ZNF800: variants seen among roughly 807,000 people sequenced by gnomAD.
The protein encoded by ZNF800 is zinc finger protein 800.
In ZNF800, 13 loss-of-function variants were observed where a neutral mutation model predicts 59.5. The ratio of observed to expected loss-of-function variants is 0.22; its 90% CI spans 0.14 to 0.35. The LOEUF (loss-of-function observed/expected upper bound fraction) is 0.35, where lower values mean the gene tolerates loss of function less well. ZNF800 is among the 10% of genes least tolerant of loss of function. ZNF800 has a pLI of 1.00. For missense variants in ZNF800, 621 were observed against 783.7 expected (o/e 0.79, Z 2.48); for synonymous variants, 266 against 265.7 (o/e 1.00, Z -0.01).
chr7:127,347,118 T>G (rs1349309393), exon 2 of ZNF800: 1 of 152,348 alleles, frequency 6.6e-6, no homozygotes, highest in Non-Finnish European at 1.5e-5. Flanking sequence ...GAGGCCATGG[T>G]CACCACAGAC....
chr7:127,375,831 T>C (rs571071950), intron 4 of ZNF800, among the ~76,000 whole-genome samples: 1 of 152,114 alleles, frequency 6.6e-6, no homozygotes, highest in South Asian at 2.1e-4. Context: ...ATCTGGTATC[T>C]ATACCAATCA....
Position 127,386,503 on chromosome 7 carries a change from T to C in ZNF800, c.62-348A>G, listed in dbSNP as rs527979977. On this transcript the variant is annotated intron_variant, in intron 2 of 5. Transcript: ENST00000265827. ...TATTCCCCTTGAAGAGGAACCACTA[T>C]ATTTAATCAAAATTCTAAGGCAATG... Among the ~76,000 whole-genome samples the C allele has an allele frequency of 3.2e-4, 49 of 152,364 alleles. 1 individual carries two copies. The highest frequency in any genetic ancestry group is 1.1e-3 in the African/African-American group (45 of 41,590).
Position 127,377,122 on chromosome 7 carries a change from T to G in ZNF800, c.301+64A>C. On this transcript the variant is annotated intron_variant, in intron 4 of 5. Transcript: ENST00000265827. The surrounding 1 kb of genome is among the most constrained non-coding windows in gnomAD (Gnocchi z 4.7). The stretch of plus-strand genomic sequence containing the variant: ...ACTAGATACAATTTTAATGCAAATG[T>G]ATACTTGCAGTATAAGAATACTTAG... 2.1e-6 allele frequency: 3 copies of G among 1,401,006 alleles called. No individual in the cohort carries two copies. Among genetic ancestry groups the G allele is most frequent in the Non-Finnish European group, 2.9e-6 (3 of 1,032,568 alleles). The allele number at this position is 1,401,006 out of a possible 1,614,324, so 86.8% of individuals were successfully genotyped here.
intron 4 of ZNF800, 56 bp from the exon 5 acceptor site, chr7:127,375,090 T>A: frequency 1.4e-6 from 2 of 1,388,664 alleles, no homozygotes; most frequent in Non-Finnish European, 1.9e-6. Flanking sequence ...TGTAGCCCTC[T>A]AATATTTTAA....
chr7:127,373,644 A>T lies in ZNF800; in HGVS notation c.1692T>A (p.Pro564=). Residue 564 remains proline (P), a synonymous_variant, in exon 5 of 6, where the codon CCT becomes CCA. Transcript: ENST00000265827. The stretch of plus-strand genomic sequence containing the variant: ...CCACTTTATTTAGAACAAAATCAAT[A>T]GGCTTTTTTATAGCTCTGATCTCTA... The part of the protein sequence containing the change: ...ASLEIRAIKK[P]IDFVLNKVAK... 1 of 1,614,110 alleles carries T rather than the reference A, an allele frequency of 6.2e-7. No homozygotes were observed. Among genetic ancestry groups the T allele is most frequent in the Non-Finnish European group, 8.5e-7 (1 of 1,180,010 alleles).
chr7:127,368,219 A>G (rs1800553309), downstream of ZNF800, among the ~76,000 whole-genome samples: 1 of 152,176 alleles, frequency 6.6e-6, no homozygotes, highest in Non-Finnish European at 1.5e-5. Context: ...AAGTTAGAAA[A>G]GCCAAAATAA....
chr7:127,343,490 G>A (rs968687763), downstream of ZNF800, among the ~76,000 whole-genome samples: 6 of 151,794 alleles, frequency 4.0e-5, no homozygotes, highest in Non-Finnish European at 7.4e-5. Context: ...TACTCAAGAA[G>A]TGACAGTAAA....
At position 127,358,369 on chromosome 7, in the gene ZNF800, A is replaced by C. The variant is rs566963012; in HGVS notation, n.225-10326T>G. 6.6e-5 allele frequency among the ~76,000 whole-genome samples: 10 copies of C among 151,862 alleles called. No individual in the cohort carries two copies. In the East Asian group the frequency reaches 1.9e-3, roughly 29 times the overall value. On this transcript the variant is annotated intron_variant and non_coding_transcript_variant, in intron 1 of 1. Transcript: ENST00000485577. ...TCTGTAGTCTCATTGCCAAAACCCG[A>C]ATTTACGTCCTATCACTCTTACTTA...
At position 127,373,409 on chromosome 7, in the gene ZNF800, T is replaced by A. The variant is rs888109796; in HGVS notation, c.1927A>T (p.Asn643Tyr). 7 of 1,613,588 alleles carry A rather than the reference T, an allele frequency of 4.3e-6. No homozygotes were observed. The African/African-American group carries it at 8.0e-5, about 18-fold the overall frequency. Residue 643 changes from asparagine (N) to tyrosine (Y), a missense_variant, in exon 5 of 6, where the codon AAT (asparagine) becomes TAT (tyrosine). Physicochemically the swap from Asn to Tyr is moderately radical, Grantham distance 143 (BLOSUM62 -2). Coordinates refer to ENST00000265827, the MANE Select transcript of ZNF800 (RefSeq NM_176814.5). ...LEHHKKTHKA[N>Y]ASNSPEGNKT... Reference sequence around the variant, plus strand: ...TTTCCTTCAGGTGAATTGGAAGCATTTGCCTTATGAGTTTTCTTATGATGT... The same window carrying A: ...TTTCCTTCAGGTGAATTGGAAGCATATGCCTTATGAGTTTTCTTATGATGT...
rs148658405 is a variant in ZNF800, at chr7:127,377,608, G to T, written c.158-279C>A. Among the ~76,000 whole-genome samples, 88 of 152,064 alleles carry T rather than the reference G, an allele frequency of 5.8e-4. No homozygotes were observed. Among genetic ancestry groups the T allele is most frequent in the African/African-American group, 1.9e-3 (80 of 41,520 alleles). On this transcript the variant is annotated intron_variant, in intron 3 of 5. Coordinates refer to ENST00000265827, the MANE Select transcript of ZNF800 (RefSeq NM_176814.5). The surrounding 1 kb of genome is among the most constrained non-coding windows in gnomAD (Gnocchi z 4.7). The stretch of plus-strand genomic sequence containing the variant: ...TGATATATCCCAAGGCAGTGGTTCC[G>T]ACATGAGGTTAATCATTACAATGAG...
Position 127,373,591 on chromosome 7 carries a change from G to A in ZNF800, c.1745C>T (p.Ala582Val). ...VAKRGPSRDE[A>V]KHSDSKHDGT... ...ATCATGTTTTGAATCACTATGTTTT[G>A]CTTCATCCCTCGAAGGGCCTCTTTT... Residue 582 changes from alanine (A) to valine (V), a missense_variant, in exon 5 of 6, where the codon GCA becomes GTA. Physicochemically the swap from Ala to Val is moderately conservative, Grantham distance 64. Around this residue, in one of 7 missense-constraint regions of ZNF800, gnomAD observed 94 missense variants for 108.5 expected, o/e 0.87. Transcript: ENST00000265827. The A allele has an allele frequency of 6.2e-7, 1 of 1,614,046 alleles. No individual in the cohort carries two copies.
In ZNF800 at chr7:127,373,827, T is replaced by C; in HGVS notation, c.1509A>G (p.Lys503=). Residue 503 remains lysine, a synonymous_variant, in exon 5 of 6, where the codon AAA becomes AAG. Transcript: ENST00000265827. The part of the protein sequence containing the change: ...RQFTSKQNLT[K]HIELHTDGNN... The stretch of plus-strand genomic sequence containing the variant: ...TTCCATCTGTGTGCAACTCGATGTG[T>C]TTAGTCAAGTTCTGTTTGGAAGTAA... 2 of 1,614,144 alleles carry C rather than the reference T, an allele frequency of 1.2e-6. No homozygotes were observed. The highest frequency in any genetic ancestry group is 1.7e-6 in the Non-Finnish European group (2 of 1,179,998).
At chr7:127,348,431 C>CAA (rs72267169) in intron 1 of ZNF800, among the ~76,000 whole-genome samples, 15,056 of 130,820 alleles carry the variant, frequency 0.12, 927 homozygotes, top group Middle Eastern at 0.28. Flanking sequence ...AAAAAAATGG[C>CAA]AAAAAAAAAA....
downstream of ZNF800, among the ~76,000 whole-genome samples, chr7:127,345,479 A>T (rs910689423): frequency 3.9e-5 from 6 of 152,184 alleles, no homozygotes; most frequent in African/African-American, 1.4e-4. Flanking sequence ...TTAATCAGTT[A>T]TCTAAAGGAT....
chr7:127,365,189 T>C (rs1250979548), downstream of ZNF800, among the ~76,000 whole-genome samples: 4 of 152,142 alleles, frequency 2.6e-5, no homozygotes, highest in Non-Finnish European at 5.9e-5. Flanking sequence ...AGCACTACCA[T>C]GAGTCTGAAC....
At chr7:127,363,271 G>T (rs1043586520) in intron 1 of ZNF800, 1 of 151,902 alleles carries the variant, frequency 6.6e-6, no homozygotes, top group African/African-American at 2.4e-5. Flanking sequence ...ACTAGAAAAC[G>T]GACCTGGAGT....
At chr7:127,364,091 C>T (rs1213471376) in intron 1 of ZNF800, 2 of 152,082 alleles carry the variant, frequency 1.3e-5, no homozygotes, top group Non-Finnish European at 2.9e-5. Flanking sequence ...GGCTTGTCTG[C>T]TTCTTTTGAA....
At position 127,392,205 on chromosome 7, in the gene ZNF800, G is replaced by C. The variant is rs1801353240; in HGVS notation, c.-204C>G. The C allele has an allele frequency of 2.5e-6, 1 of 394,824 alleles. No individual in the cohort carries two copies. The highest frequency in any genetic ancestry group is 1.3e-4 in the South Asian group (1 of 7,816). 24.5% of individuals were successfully genotyped at this position (394,824 alleles called of 1,614,324 possible). ...CGCGGGGGAACCCGGACTCGGGCCC[G>C]ACGCGCTCCCAAAGAGTCCCCGCCG... On this transcript the variant is annotated 5_prime_UTR_variant, in exon 1 of 6. Coordinates refer to ENST00000265827, the MANE Select transcript of ZNF800 (RefSeq NM_176814.5).
chr7:127,368,897 C>T (rs1049598747), downstream of ZNF800, among the ~76,000 whole-genome samples: 2 of 151,872 alleles, frequency 1.3e-5, no homozygotes, highest in Non-Finnish European at 2.9e-5. Flanking sequence ...ACAACTAAAG[C>T]AACCTGTGTC....
Sources: gnomAD v4.1 joint callset for allele counts (sites outside exome capture counted in the v4.1 genomes callset) on GRCh38, gnomAD v4.1.1 for gene constraint, gnomAD v4.1.1 regional missense constraint, Gnocchi (gnomAD v3.1) non-coding constraint, MANE v1.5 for transcripts, NCBI Gene and HGNC (gene_info 2026-07-23, HGNC 2026-07-21) for gene names.